SH3GL1: variants seen among roughly 807,000 people sequenced by gnomAD.
The protein encoded by SH3GL1 is endophilin-A2.
A neutral mutation model predicts 48.8 loss-of-function variants in SH3GL1; 21 were observed. That is an observed-to-expected ratio of 0.43 (90% CI 0.30 to 0.62). The LOEUF (loss-of-function observed/expected upper bound fraction) is 0.62, where lower values mean the gene tolerates loss of function less well. SH3GL1 is among the 20% of genes least tolerant of loss of function. The pLI is 0.11. For missense variants in SH3GL1, 454 were observed against 503.0 expected (o/e 0.90, Z 0.93); for synonymous variants, 282 against 217.5 (o/e 1.30, Z -2.61).
chr19:4,388,047 G>C (rs1973268681), intron 1 of SH3GL1, among the ~76,000 whole-genome samples: 1 of 151,912 alleles, frequency 6.6e-6, no homozygotes, highest in South Asian at 2.1e-4. Flanking sequence ...TTTTAGTAGA[G>C]ATGGGGTTTC....
rs983812843 is a variant in SH3GL1 at position 4,360,782 on chromosome 19, C to T, written c.*818G>A. 2.6e-5 allele frequency: 6 copies of T among 233,572 alleles called. No individual in the cohort carries two copies. Among genetic ancestry groups the T allele is most frequent in the Non-Finnish European group, 5.1e-5 (6 of 118,344 alleles). 14.5% of individuals were successfully genotyped at this position (233,572 alleles called of 1,614,324 possible). A position where few individuals can be genotyped will look rare whatever the true frequency, so the allele number is the denominator to read the frequency against. ...TGGCCCTCGGCAGCGCGGCTGTGGT[C>T]CCGTGTGAGGTGTGCTGGGGTGGGT... On this transcript the variant is annotated 3_prime_UTR_variant, in exon 10 of 10. Coordinates refer to ENST00000269886, the MANE Select transcript of SH3GL1 (RefSeq NM_003025.4).
chr19:4,387,974 C>T (rs1332831079), intron 1 of SH3GL1, among the ~76,000 whole-genome samples: 1 of 152,200 alleles, frequency 6.6e-6, no homozygotes, highest in Non-Finnish European at 1.5e-5. Flanking sequence ...ATTCTCCCGC[C>T]TCAGCCTCCT....
chr19:4,363,635 A>T, intron 6 of SH3GL1, 85 bp downstream of exon 6: 1 of 1,566,508 alleles, frequency 6.4e-7, no homozygotes, highest in Non-Finnish European at 8.8e-7. Context: ...GTAGGTGCCG[A>T]TCTGTCCTCC....
intron 7 of SH3GL1, among the ~76,000 whole-genome samples, chr19:4,363,158 C>T (rs1024496930): frequency 6.6e-5 from 10 of 152,184 alleles, no homozygotes; most frequent in Non-Finnish European, 1.2e-4. Flanking sequence ...CCGGGGCCTG[C>T]ATCGGGGCAG....
At chr19:4,385,489 G>T (rs1414227898) in intron 1 of SH3GL1, among the ~76,000 whole-genome samples, 1 of 152,204 alleles carries the variant, frequency 6.6e-6, no homozygotes, top group Admixed American at 6.5e-5. Flanking sequence ...GGACTCCTGG[G>T]CTCCAGAAAC....
intron 5 of SH3GL1, 47 bp from the exon 6 acceptor site, chr19:4,363,925 C>T (rs754328158): frequency 2.6e-5 from 42 of 1,610,646 alleles, no homozygotes; most frequent in Non-Finnish European, 3.1e-5. Flanking sequence ...GCCAGAGGGC[C>T]GCCCCACGCA....
At chr19:4,396,427 C>T (rs373205994) in intron 1 of SH3GL1, among the ~76,000 whole-genome samples, 4 of 152,086 alleles carry the variant, frequency 2.6e-5, no homozygotes, top group African/African-American at 9.7e-5. Flanking sequence ...CAAAAACAAA[C>T]TACACATGTG....
At chr19:4,398,769 A>G (rs1973467490) in intron 1 of SH3GL1, among the ~76,000 whole-genome samples, 1 of 152,162 alleles carries the variant, frequency 6.6e-6, no homozygotes, top group African/African-American at 2.4e-5. Flanking sequence ...CAGATTCATG[A>G]GCAGTGGGCC....
rs2144890345 is a variant in SH3GL1 at position 4,376,926 on chromosome 19, C to T, written c.46-9932G>A. Reference sequence around the variant, plus strand: ...CCTCTTGGGGGTCCTCGCCACATCCCACCCCTTGACAGCAGCTAAGCTCCG... The same window carrying T: ...CCTCTTGGGGGTCCTCGCCACATCCTACCCCTTGACAGCAGCTAAGCTCCG... On this transcript the variant is annotated intron_variant, in intron 1 of 9. Coordinates refer to ENST00000269886, the MANE Select transcript of SH3GL1 (RefSeq NM_003025.4). The surrounding 1 kb of genome is among the most constrained non-coding windows in gnomAD (Gnocchi z 4.3). 6.6e-6 allele frequency among the ~76,000 whole-genome samples: 1 copy of T among 152,332 alleles called. No homozygotes were observed. The highest frequency in any genetic ancestry group is 2.1e-4 in the South Asian group (1 of 4,826).
At chr19:4,386,920 A>G (rs1233238745) in intron 1 of SH3GL1, among the ~76,000 whole-genome samples, 1 of 152,162 alleles carries the variant, frequency 6.6e-6, no homozygotes, top group Non-Finnish European at 1.5e-5. Flanking sequence ...ACTCCGCTGC[A>G]ATTCCCCTTC....
chr19:4,361,592 C>A lies in SH3GL1; in HGVS notation c.*8G>T. 1 of 1,585,796 alleles carries A rather than the reference C, an allele frequency of 6.3e-7. No homozygotes were observed. The highest frequency in any genetic ancestry group is 8.6e-7 in the Non-Finnish European group (1 of 1,168,340). ...TGGACGGAGGGGCGGGGCGGGGACA[C>A]GGGTGAGTCACTGCGGCAGGGGCAC... On this transcript the variant is annotated 3_prime_UTR_variant, in exon 10 of 10. Coordinates refer to ENST00000269886, the MANE Select transcript of SH3GL1 (RefSeq NM_003025.4).
rs540232657 is a variant in SH3GL1 at position 4,373,165 on chromosome 19, C to A, written c.46-6171G>T. On this transcript the variant is annotated intron_variant, in intron 1 of 9. Coordinates refer to ENST00000269886, the MANE Select transcript of SH3GL1 (RefSeq NM_003025.4). ...CAGGAGCACCACAGGTGCCAAGTGACCCTCACAGGTGCCAGGTGATCCTCA... is the reference window on the plus strand; with the variant it reads ...CAGGAGCACCACAGGTGCCAAGTGAACCTCACAGGTGCCAGGTGATCCTCA... Among the ~76,000 whole-genome samples the A allele has an allele frequency of 2.0e-5, 3 of 152,298 alleles. No individual in the cohort carries two copies. The East Asian group carries it at 5.8e-4, about 29-fold the overall frequency.
chr19:4,385,567 G>A (rs1382464833), intron 1 of SH3GL1, among the ~76,000 whole-genome samples: 1 of 152,112 alleles, frequency 6.6e-6, no homozygotes, highest in African/African-American at 2.4e-5. Context: ...TTTCCTTCCG[G>A]GCCCCAAAGA....
intron 7 of SH3GL1, among the ~76,000 whole-genome samples, 183 bp from the exon 8 acceptor site, chr19:4,362,919 CTGGACCCCCACCT>C (rs1972663759): frequency 6.6e-6 from 1 of 152,180 alleles, no homozygotes; most frequent in South Asian, 2.1e-4. Context: ...GGCCTCCAGC[CTGGACCCCCACCT>C]TGGAGGCATC....
intron 1 of SH3GL1, among the ~76,000 whole-genome samples, chr19:4,378,166 G>T (rs1003248544): frequency 5.9e-5 from 9 of 151,668 alleles, no homozygotes; most frequent in Non-Finnish European, 1.5e-5. Flanking sequence ...AATACTAGTT[G>T]TTGAGATAAC....
At chr19:4,364,983 G>A (rs183728894) in intron 4 of SH3GL1, among the ~76,000 whole-genome samples, 12 of 145,888 alleles carry the variant, frequency 8.2e-5, no homozygotes, top group African/African-American at 2.6e-4. Context: ...TCGAATTCCC[G>A]ATCTCAGGTG....
At chr19:4,398,040 T>G (rs1973455251) in intron 1 of SH3GL1, among the ~76,000 whole-genome samples, 1 of 152,004 alleles carries the variant, frequency 6.6e-6, no homozygotes, top group Admixed American at 6.6e-5. Flanking sequence ...AGAGATGGGA[T>G]CTCCCTATAT....
chr19:4,383,294 A>C (rs550766689), intron 1 of SH3GL1, among the ~76,000 whole-genome samples: 20 of 151,596 alleles, frequency 1.3e-4, no homozygotes, highest in Non-Finnish European at 2.4e-4. Flanking sequence ...GGCTCACTGC[A>C]GCCTTGACTT....
At chr19:4,385,041 T>C (rs1030090813) in intron 1 of SH3GL1, among the ~76,000 whole-genome samples, 2 of 149,566 alleles carry the variant, frequency 1.3e-5, no homozygotes, top group East Asian at 1.9e-4. Context: ...GAGCGGGAGG[T>C]TGCAGTGAGC....
Sources: gnomAD v4.1 joint callset for allele counts (sites outside exome capture counted in the v4.1 genomes callset) on GRCh38, gnomAD v4.1.1 for gene constraint, Gnocchi (gnomAD v3.1) non-coding constraint, MANE v1.5 for transcripts, NCBI Gene and HGNC (gene_info 2026-07-23, HGNC 2026-07-21) for gene names.